BRINP1: variants seen among roughly 807,000 people sequenced by gnomAD.
BRINP1 encodes the protein BMP/retinoic acid inducible neural specific 1.
A neutral mutation model predicts 72.9 loss-of-function variants in BRINP1; 17 were observed. The ratio of observed to expected loss-of-function variants is 0.23; its 90% CI spans 0.16 to 0.35. The LOEUF is 0.35. Ranked by LOEUF, BRINP1 falls within the 10% of genes least tolerant of loss-of-function variation. The pLI is 1.00. For missense variants in BRINP1, 850 were observed against 1,001.6 expected (o/e 0.85, Z 2.04); for synonymous variants, 418 against 378.5 (o/e 1.10, Z -1.21).
At chr9:119,175,613 A>G (rs1829479074) in intron 7 of BRINP1, among the ~76,000 whole-genome samples, 1 of 152,084 alleles carries the variant, frequency 6.6e-6, no homozygotes, top group Non-Finnish European at 1.5e-5. Context: ...CCCCCTCCCC[A>G]CAGGCCCTCA....
chr9:119,331,279 A>G (rs1453271887), intron 1 of BRINP1, among the ~76,000 whole-genome samples: 1 of 152,240 alleles, frequency 6.6e-6, no homozygotes, highest in East Asian at 1.9e-4. Flanking sequence ...AGCCTTGGAA[A>G]GGCAGGACCA....
intron 5 of BRINP1, among the ~76,000 whole-genome samples, chr9:119,230,313 T>G (rs1274953244): frequency 1.3e-5 from 2 of 152,044 alleles, no homozygotes; most frequent in African/African-American, 4.8e-5. Context: ...ACCAAAACTT[T>G]CACGGAGGCT....
At chr9:119,336,641 A>T (rs1831347941) in intron 1 of BRINP1, among the ~76,000 whole-genome samples, 1 of 152,110 alleles carries the variant, frequency 6.6e-6, no homozygotes, top group South Asian at 2.1e-4. Flanking sequence ...AGTCGTATTG[A>T]TTTGAAAAGG....
intron 1 of BRINP1, among the ~76,000 whole-genome samples, chr9:119,336,957 C>A (rs1017304366): frequency 1.3e-5 from 2 of 152,008 alleles, no homozygotes; most frequent in African/African-American, 2.4e-5. Flanking sequence ...GATGGGGAAG[C>A]CTTTTCTTTA....
chr9:119,215,202 A>G (rs1829966201), intron 5 of BRINP1, among the ~76,000 whole-genome samples: 1 of 152,238 alleles, frequency 6.6e-6, no homozygotes, highest in Admixed American at 6.5e-5. Context: ...CCATGGTTAC[A>G]GGATTAGCAC....
intron 7 of BRINP1, among the ~76,000 whole-genome samples, chr9:119,203,485 A>G (rs1564216146): frequency 6.6e-6 from 1 of 152,222 alleles, no homozygotes; most frequent in African/African-American, 2.4e-5. Context: ...AATAAGAACA[A>G]TACCTAACAT....
chr9:119,261,876 C>T lies in BRINP1; in HGVS notation c.219-12726G>A, dbSNP rs376600064. 4.6e-4 allele frequency among the ~76,000 whole-genome samples: 70 copies of T among 151,256 alleles called. 1 individual carries two copies. The East Asian group carries it at 0.01, about 22-fold the overall frequency. On this transcript the variant is annotated intron_variant, in intron 2 of 7. Coordinates refer to ENST00000265922, the MANE Select transcript of BRINP1 (RefSeq NM_014618.3). ...CTCTTTTCCTCGCCTCTCTTTCCCT[C>T]CTCCTTCTTCTCTTCCTCTCTCTCT...
chr9:119,249,856 G>A (rs4837619), intron 2 of BRINP1, among the ~76,000 whole-genome samples: 1,611 of 15,970 alleles, frequency 0.1, 60 homozygotes, highest in Middle Eastern at 0.14. Context: ...GGAAGGAAGG[G>A]AGGGAGGGAG....
intron 2 of BRINP1, among the ~76,000 whole-genome samples, chr9:119,293,075 A>G (rs528221718): frequency 6.6e-6 from 1 of 152,200 alleles, no homozygotes; most frequent in Non-Finnish European, 1.5e-5. Context: ...TAGAATGTAC[A>G]TTCTGGACTG....
At chr9:119,282,242 G>T (rs1285649938) in intron 2 of BRINP1, among the ~76,000 whole-genome samples, 1 of 151,630 alleles carries the variant, frequency 6.6e-6, no homozygotes, top group Non-Finnish European at 1.5e-5. Flanking sequence ...CGACAGTGTT[G>T]GGGAGAGTGC....
chr9:119,366,567 G>T, intron 1 of BRINP1, among the ~76,000 whole-genome samples: 1 of 139,900 alleles, frequency 7.1e-6, no homozygotes. Context: ...TGTGTCTTTC[G>T]GGAATAGTGA....
chr9:119,244,456 A>G (rs889561790), intron 3 of BRINP1, among the ~76,000 whole-genome samples: 1 of 152,212 alleles, frequency 6.6e-6, no homozygotes, highest in African/African-American at 2.4e-5. Context: ...ATGTTCAGTT[A>G]TCAGTTGATG....
intron 1 of BRINP1, among the ~76,000 whole-genome samples, chr9:119,335,666 G>A (rs897415093): frequency 2.0e-5 from 3 of 152,154 alleles, no homozygotes; most frequent in Non-Finnish European, 4.4e-5. Context: ...CATTCAACAG[G>A]TGCTTAATGG....
intron 1 of BRINP1, among the ~76,000 whole-genome samples, chr9:119,353,934 A>AGG (rs1831532211): frequency 6.9e-6 from 1 of 144,598 alleles, no homozygotes; most frequent in Non-Finnish European, 1.5e-5. Context: ...AGGCCTCAAT[A>AGG]GATCTGGAAC....
Position 119,319,762 on chromosome 9 carries a change from A to G in BRINP1, c.-50-6357T>C, listed in dbSNP as rs147556031. On this transcript the variant is annotated intron_variant, in intron 1 of 7. Transcript: ENST00000265922. ...GCACCTTAGGACTTGGAGACATTGA[A>G]TAACTTTCTTAAGCTCACAATTCCC... Among the ~76,000 whole-genome samples the G allele has an allele frequency of 1.7e-4, 26 of 152,336 alleles. No homozygotes were observed. In the East Asian group the frequency reaches 4.8e-3, roughly 28 times the overall value.
chr9:119,183,947 G>C (rs890940171), intron 7 of BRINP1, among the ~76,000 whole-genome samples: 4 of 152,132 alleles, frequency 2.6e-5, no homozygotes, highest in South Asian at 2.1e-4. Context: ...AGGTAGACAG[G>C]AGAATTGGGT....
At chr9:119,187,835 A>T (rs1829640628) in intron 7 of BRINP1, among the ~76,000 whole-genome samples, 1 of 152,226 alleles carries the variant, frequency 6.6e-6, no homozygotes, top group Non-Finnish European at 1.5e-5. Context: ...AAACTTCAAG[A>T]TCTGGGAGAA....
chr9:119,249,399 G>A (rs1830355239), intron 2 of BRINP1, among the ~76,000 whole-genome samples: 1 of 152,174 alleles, frequency 6.6e-6, no homozygotes, highest in African/African-American at 2.4e-5. Flanking sequence ...TGTTTACAGA[G>A]CACCAGGGAG....
Position 119,167,806 on chromosome 9 carries a change from T to C in BRINP1, c.1564A>G (p.Lys522Glu). 1 of 1,613,454 alleles carries C rather than the reference T, an allele frequency of 6.2e-7. No individual in the cohort carries two copies. Reference protein sequence around the residue: ...LDTFFDPRWRKRMSLTLKSNK... With the variant: ...LDTFFDPRWRERMSLTLKSNK... ...CTCTTGAGAGTGAGGGACATGCGCTTGCGCCACCGAGGGTCAAAGAAGGTG... is the reference window on the plus strand; with the variant it reads ...CTCTTGAGAGTGAGGGACATGCGCTCGCGCCACCGAGGGTCAAAGAAGGTG... The change falls in exon 8 of 8, where the codon AAG becomes GAG. Residue 522 changes from lysine to glutamate, a missense_variant. Physicochemically the swap from Lys to Glu is moderately conservative, Grantham distance 56 (BLOSUM62 1). Coordinates refer to ENST00000265922, the MANE Select transcript of BRINP1 (RefSeq NM_014618.3). The surrounding 1 kb of genome is among the most constrained non-coding windows in gnomAD (Gnocchi z 4.3).
Sources: allele counts gnomAD v4.1 joint callset (sites outside exome capture counted in the v4.1 genomes callset), GRCh38; gene constraint gnomAD v4.1.1; non-coding constraint Gnocchi (gnomAD v3.1); transcripts MANE v1.5; gene names NCBI Gene and HGNC (gene_info 2026-07-23, HGNC 2026-07-21).